P2RY8: variants seen among roughly 807,000 people sequenced by gnomAD.
The protein encoded by P2RY8 is P2Y receptor family member 8, also known as S-geranylgeranyl-glutathione receptor P2RY8.
P2RY8 carries 6 observed loss-of-function variants against 10.0 expected under a neutral mutation model. The ratio of observed to expected loss-of-function variants is 0.60; its 90% CI spans 0.33 to 1.19. P2RY8 has a LOEUF of 1.19. Among genes scored for constraint, P2RY8 ranks in the 50% most tolerant of loss-of-function variants. P2RY8 has a pLI of 0.04. For missense variants in P2RY8, 456 were observed against 542.0 expected, an observed-to-expected ratio of 0.84 and a Z score of 1.58; for synonymous variants, 276 against 252.5, an observed-to-expected ratio of 1.09 and a Z score of -0.88.
At chrX:1,481,505 C>T (rs189958145) in intron 1 of P2RY8, among the ~76,000 whole-genome samples, 162 of 152,186 alleles carry the variant, frequency 1.1e-3, no homozygotes, top group African/African-American at 3.6e-3. Context: ...TAAGGGATCC[C>T]AGCTTTGGGC....
intron 1 of P2RY8, among the ~76,000 whole-genome samples, chrX:1,527,061 T>A (rs2092444285): frequency 6.6e-6 from 1 of 152,106 alleles, no homozygotes; most frequent in Non-Finnish European, 1.5e-5. Flanking sequence ...GCCTGGCTAA[T>A]TTTTGTATTT....
At chrX:1,502,237 C>G (rs1172982703) in intron 1 of P2RY8, among the ~76,000 whole-genome samples, 1 of 152,134 alleles carries the variant, frequency 6.6e-6, no homozygotes, top group Non-Finnish European at 1.5e-5. Flanking sequence ...AAATAAAGTC[C>G]TGTCTAGGTT....
Position 1,508,067 on chromosome X carries a change from C to A in P2RY8, c.-25+28854G>T, listed in dbSNP as rs772500223. Among the ~76,000 whole-genome samples the A allele has an allele frequency of 3.9e-5, 6 of 152,262 alleles. No homozygotes were observed. The South Asian group carries it at 1.0e-3, about 26-fold the overall frequency. On this transcript the variant is annotated intron_variant, in intron 1 of 1. Coordinates refer to ENST00000381297, the MANE Select transcript of P2RY8 (RefSeq NM_178129.5). ...CATCACGATGCCCCTGTCCCCCCGA[C>A]GCCCTGTGGGTTTGGGGGAAAAATC...
intron 1 of P2RY8, among the ~76,000 whole-genome samples, chrX:1,482,251 T>G (rs1386857221): frequency 6.7e-6 from 1 of 149,160 alleles, no homozygotes; most frequent in Non-Finnish European, 1.5e-5. Context: ...AGGAAGCCAC[T>G]GTACGTGGAA....
chrX:1,465,874 G>C lies in P2RY8; in HGVS notation c.685C>G (p.Arg229Gly), dbSNP rs768829874. 8 of 1,612,458 alleles carry C rather than the reference G, an allele frequency of 5.0e-6. No individual in the cohort carries two copies. Among genetic ancestry groups the C allele is most frequent in the South Asian group, 1.1e-5 (1 of 91,034 alleles). ...CCCACCGCGCGCCTCCGCTGCTCCC[G>C]GCCGTGCGCCTCCTCCGTGCGCAAC... is the stretch of plus-strand genomic sequence containing the variant. ...KLLRTEEAHGREQRRRAVGLA... is the reference protein window; with the variant it reads ...KLLRTEEAHGGEQRRRAVGLA... The change falls in exon 2 of 2, where the codon CGG (arginine) becomes GGG (glycine). Residue 229 changes from arginine (R) to glycine (G), a missense_variant. Coordinates refer to ENST00000381297, the MANE Select transcript of P2RY8 (RefSeq NM_178129.5).
chrX:1,479,983 C>T (rs1184305030), intron 1 of P2RY8, among the ~76,000 whole-genome samples: 9 of 152,140 alleles, frequency 5.9e-5, no homozygotes, highest in Non-Finnish European at 1.2e-4. Context: ...GAAATTGAAT[C>T]GATAATTTAA....
intron 1 of P2RY8, among the ~76,000 whole-genome samples, chrX:1,500,283 AT>A (rs1434780091): frequency 1.3e-5 from 2 of 150,144 alleles, no homozygotes; most frequent in Admixed American, 1.3e-4. Context: ...TCTCTTATTT[AT>A]GTACTTATTT....
intron 1 of P2RY8, among the ~76,000 whole-genome samples, chrX:1,490,916 G>A (rs28830319): frequency 2.7e-5 from 4 of 149,052 alleles, no homozygotes; most frequent in African/African-American, 1.0e-4. Context: ...GCAAATGTGG[G>A]GGGAATGAAT....
In P2RY8 at chrX:1,463,869, G is replaced by A. The variant is rs2091623621; in HGVS notation, c.*1610C>T. 8.6e-6 allele frequency: 2 copies of A among 233,136 alleles called. No individual in the cohort carries two copies. The highest frequency in any genetic ancestry group is 1.1e-4 in the Admixed American group (2 of 17,768). 14.4% of individuals were successfully genotyped at this position (233,136 alleles called of 1,614,324 possible). Reference sequence around the variant, plus strand: ...GTCTCTCATAGGGACACTGGATTGGGCCCATTGTAAATGCAGTATGGCCTC... The same window carrying A: ...GTCTCTCATAGGGACACTGGATTGGACCCATTGTAAATGCAGTATGGCCTC... On this transcript the variant is annotated 3_prime_UTR_variant, in exon 2 of 2. Transcript: ENST00000381297.
At chrX:1,479,329 G>C (rs749350715) in intron 1 of P2RY8, among the ~76,000 whole-genome samples, 15 of 152,194 alleles carry the variant, frequency 9.9e-5, no homozygotes, top group Non-Finnish European at 1.5e-4. Context: ...CCACAGTGAG[G>C]GGATTTGGAT....
At chrX:1,505,410 G>C (rs1468420673) in intron 1 of P2RY8, among the ~76,000 whole-genome samples, 3 of 152,204 alleles carry the variant, frequency 2.0e-5, no homozygotes, top group Admixed American at 1.3e-4. Context: ...TGGCCAGCAA[G>C]GACAGGGCTG....
intron 1 of P2RY8, among the ~76,000 whole-genome samples, chrX:1,525,504 C>T (rs2092433991): frequency 6.6e-6 from 1 of 152,090 alleles, no homozygotes. Flanking sequence ...GCTGGAGAGA[C>T]GCAGGAAAGA....
At chrX:1,515,708 T>C (rs1479364594) in intron 1 of P2RY8, among the ~76,000 whole-genome samples, 3 of 151,892 alleles carry the variant, frequency 2.0e-5, no homozygotes, top group African/African-American at 4.8e-5. Context: ...AGAAATCCTA[T>C]ACCCTCTGGC....
chrX:1,532,685 G>A (rs2092488081), intron 1 of P2RY8, among the ~76,000 whole-genome samples: 1 of 151,936 alleles, frequency 6.6e-6, no homozygotes, highest in South Asian at 2.1e-4. Flanking sequence ...TGAGAGCTAA[G>A]CTATGAGGAT....
chrX:1,485,183 G>T (rs1175414216), intron 1 of P2RY8, among the ~76,000 whole-genome samples: 1 of 151,614 alleles, frequency 6.6e-6, no homozygotes, highest in African/African-American at 2.4e-5. Flanking sequence ...GGTCGTCCAG[G>T]CTGGAGTGCA....
rs2091646195 is a variant in P2RY8 at position 1,465,174 on chromosome X, G to A, written c.*305C>T. On this transcript the variant is annotated 3_prime_UTR_variant, in exon 2 of 2. Transcript: ENST00000381297. ...TAAAAAAAATACAAAAATTAGCCGG[G>A]CGTGGTGACACAAGCTGTCCCCTGA... 6.4e-6 allele frequency: 3 copies of A among 467,362 alleles called. No homozygotes were observed. Among genetic ancestry groups the A allele is most frequent in the Admixed American group, 7.7e-5 (2 of 25,856 alleles). 29.0% of individuals were successfully genotyped at this position (467,362 alleles called of 1,614,324 possible).
chrX:1,480,220 T>A (rs1481350579), intron 1 of P2RY8, among the ~76,000 whole-genome samples: 1 of 152,060 alleles, frequency 6.6e-6, no homozygotes, highest in Non-Finnish European at 1.5e-5. Flanking sequence ...TGACAGCAAC[T>A]AGCCTGAAGG....
At chrX:1,504,995 G>A (rs1392037809) in intron 1 of P2RY8, among the ~76,000 whole-genome samples, 3 of 151,942 alleles carry the variant, frequency 2.0e-5, no homozygotes, top group African/African-American at 7.3e-5. Context: ...TAAATTAGCC[G>A]GGCGTGGTGG....
At chrX:1,466,908 C>T (rs1231480283) in intron 1 of P2RY8, among the ~76,000 whole-genome samples, 1 of 148,834 alleles carries the variant, frequency 6.7e-6, no homozygotes, top group African/African-American at 2.5e-5. Flanking sequence ...CCCTCCCTCC[C>T]GTCCTTCCTT....
Sources: gnomAD v4.1 joint callset for allele counts (sites outside exome capture counted in the v4.1 genomes callset) on GRCh38, gnomAD v4.1.1 for gene constraint, MANE v1.5 for transcripts, NCBI Gene and HGNC (gene_info 2026-07-23, HGNC 2026-07-21) for gene names.